The following ST7 variants were observed in gnomAD, a reference collection of about 807,000 sequenced individuals.
ST7 encodes suppressor of tumorigenicity 7 protein.
ST7 carries 28 observed loss-of-function variants against 78.7 expected under a neutral mutation model. That is an observed-to-expected ratio of 0.36 (90% CI 0.26 to 0.49). The LOEUF is 0.49. Among genes scored for constraint, ST7 ranks in the 20% least tolerant of loss-of-function variants. The pLI is 0.99. For missense variants in ST7, 418 were observed against 696.0 expected (o/e 0.60, Z 4.49); for synonymous variants, 247 against 249.6 (o/e 0.99, Z 0.10).
At chr7:117,130,164 A>C (rs1804229505) in intron 4 of ST7, among the ~76,000 whole-genome samples, 1 of 151,874 alleles carries the variant, frequency 6.6e-6, no homozygotes, top group Non-Finnish European at 1.5e-5. Context: ...GTTATGTTGG[A>C]ATTTAGTTTA....
chr7:116,980,834 A>G (rs1400271703), intron 1 of ST7, among the ~76,000 whole-genome samples: 1 of 152,228 alleles, frequency 6.6e-6, no homozygotes, highest in Non-Finnish European at 1.5e-5. Flanking sequence ...AAAATAAGAA[A>G]TTAATTAGAT....
chr7:117,008,276 T>G (rs1037739805), intron 1 of ST7, among the ~76,000 whole-genome samples: 1 of 152,232 alleles, frequency 6.6e-6, no homozygotes, highest in Non-Finnish European at 1.5e-5. Flanking sequence ...GATACTGTTG[T>G]GAAATGTCTA....
chr7:117,162,127 C>T (rs1384241144), intron 9 of ST7, among the ~76,000 whole-genome samples: 2 of 152,090 alleles, frequency 1.3e-5, no homozygotes, highest in African/African-American at 4.8e-5. Flanking sequence ...AATTTGCTCT[C>T]ATTTTTATGA....
At chr7:116,964,310 A>G (rs1792990366) in intron 1 of ST7, among the ~76,000 whole-genome samples, 1 of 152,356 alleles carries the variant, frequency 6.6e-6, no homozygotes, top group East Asian at 1.9e-4. Context: ...GGGAATGAGA[A>G]TGAAATTTAC....
chr7:117,110,131 G>A (rs1802311779), intron 2 of ST7, among the ~76,000 whole-genome samples: 1 of 152,114 alleles, frequency 6.6e-6, no homozygotes, highest in African/African-American at 2.4e-5. Flanking sequence ...GGAGGGAGAA[G>A]GGAAGGCATT....
intron 1 of ST7, among the ~76,000 whole-genome samples, chr7:116,992,676 ATTAC>A (rs2116393195): frequency 6.6e-6 from 1 of 152,344 alleles, no homozygotes; most frequent in African/African-American, 2.4e-5. Flanking sequence ...TCGGCTCCTC[ATTAC>A]TTATGCAAAT....
chr7:116,988,582 CTT>C (rs1750010897), intron 1 of ST7, among the ~76,000 whole-genome samples: 1 of 152,146 alleles, frequency 6.6e-6, no homozygotes, highest in South Asian at 2.1e-4. Flanking sequence ...AGAGGGCACT[CTT>C]TAAAAGATAA....
rs371886012 is a variant in ST7 at position 117,229,113 on chromosome 7, G to A, written c.1639-649G>A. On this transcript the variant is annotated intron_variant, in intron 15 of 15. Transcript: ENST00000323984. ...AGCTTTATTCTCTACATGAAAAGCA[G>A]AAAGGAATTTAGTAACCAAATGAAA... Among the ~76,000 whole-genome samples, 3 of 152,334 alleles carry A rather than the reference G, an allele frequency of 2.0e-5. No individual in the cohort carries two copies. The South Asian group carries it at 6.2e-4, about 32-fold the overall frequency.
chr7:117,082,910 A>G (rs2116624486), intron 1 of ST7, among the ~76,000 whole-genome samples: 1 of 152,316 alleles, frequency 6.6e-6, no homozygotes. Flanking sequence ...CCTATCCCTG[A>G]TGTAGACAGG....
At chr7:117,059,061 G>A (rs1254502686) in intron 1 of ST7, among the ~76,000 whole-genome samples, 2 of 152,170 alleles carry the variant, frequency 1.3e-5, no homozygotes, top group Non-Finnish European at 2.9e-5. Context: ...GTGGGGACAC[G>A]GGGATGTGGA....
Position 116,953,666 on chromosome 7 carries a change from G to T in ST7, c.126G>T (p.Leu42Phe). 6.7e-7 allele frequency: 1 copy of T among 1,496,280 alleles called. No individual in the cohort carries two copies. Among genetic ancestry groups the T allele is most frequent in the Non-Finnish European group, 9.0e-7 (1 of 1,109,340 alleles). 92.7% of individuals were successfully genotyped at this position (1,496,280 alleles called of 1,614,324 possible). A position where few individuals can be genotyped will look rare whatever the true frequency, so the allele number is the denominator to read the frequency against. Residue 42 changes from leucine to phenylalanine, a missense_variant, in exon 1 of 16, where the codon TTG becomes TTT. Physicochemically the swap from Leu to Phe is conservative, Grantham distance 22. Coordinates refer to ENST00000323984, the MANE Select transcript of ST7 (RefSeq NM_001369598.1). Reference protein sequence around the residue: ...LFLVYILRVPLKINDNLSTVS... With the variant: ...LFLVYILRVPFKINDNLSTVS... ...TGGTCTACATCCTGCGGGTGCCTTT[G>T]AAAATCAACGACAACTTGAGCACAG... is the stretch of plus-strand genomic sequence containing the variant.
chr7:117,143,194 A>G (rs956225870), intron 9 of ST7, among the ~76,000 whole-genome samples: 1 of 152,036 alleles, frequency 6.6e-6, no homozygotes, highest in African/African-American at 2.4e-5. Flanking sequence ...TAAAATCTAC[A>G]GTTCCTTTGA....
At chr7:117,224,104 A>G (rs2116206780) in intron 15 of ST7, among the ~76,000 whole-genome samples, 1 of 152,300 alleles carries the variant, frequency 6.6e-6, no homozygotes, top group Non-Finnish European at 1.5e-5. Flanking sequence ...GGGCACTCAC[A>G]TATTTATAAA....
At chr7:117,100,755 G>A (rs536722387) in intron 2 of ST7, among the ~76,000 whole-genome samples, 1 of 152,248 alleles carries the variant, frequency 6.6e-6, no homozygotes, top group East Asian at 1.9e-4. Context: ...AACACTTGAA[G>A]TAGTTAATTT....
chr7:116,998,318 C>T (rs1293561390), intron 1 of ST7, among the ~76,000 whole-genome samples: 1 of 152,232 alleles, frequency 6.6e-6, no homozygotes, highest in Non-Finnish European at 1.5e-5. Flanking sequence ...CCCACACCCA[C>T]CCGGAACTCA....
At chr7:117,000,831 A>G (rs1481283772) in intron 1 of ST7, among the ~76,000 whole-genome samples, 2 of 152,244 alleles carry the variant, frequency 1.3e-5, no homozygotes, top group African/African-American at 4.8e-5. Context: ...AATACCAATA[A>G]CACCCTCATT....
Position 117,077,858 on chromosome 7 carries a change from T to C in ST7, c.152-21904T>C, listed in dbSNP as rs9792051. ...TTGATTTCTTTCTTTTTTTTTTTTT[T>C]TTTTTGAGACAGGGTCTTGCTCTGT... On this transcript the variant is annotated intron_variant, in intron 1 of 15. Coordinates refer to ENST00000323984, the MANE Select transcript of ST7 (RefSeq NM_001369598.1). 8.7e-3 allele frequency among the ~76,000 whole-genome samples: 1,311 copies of C among 151,174 alleles called. 46 individuals are homozygous for C. Among genetic ancestry groups the C allele is most frequent in the East Asian group, 0.079 (409 of 5,166 alleles).
At chr7:117,061,840 T>G (rs1798372540) in intron 1 of ST7, among the ~76,000 whole-genome samples, 2 of 152,218 alleles carry the variant, frequency 1.3e-5, no homozygotes, top group South Asian at 2.1e-4. Flanking sequence ...AGCTTAAGAA[T>G]CTAAGCACAT....
At chr7:116,957,680 A>G (rs1229815340) in intron 1 of ST7, among the ~76,000 whole-genome samples, 1 of 152,240 alleles carries the variant, frequency 6.6e-6, no homozygotes, top group Non-Finnish European at 1.5e-5. Context: ...AGGGCAGAAA[A>G]TTAATTGTAG....
Sources: allele counts gnomAD v4.1 joint callset (sites outside exome capture counted in the v4.1 genomes callset), GRCh38; gene constraint gnomAD v4.1.1; transcripts MANE v1.5; gene names NCBI Gene and HGNC (gene_info 2026-07-23, HGNC 2026-07-21).